PLCG2: variants seen among roughly 807,000 people sequenced by gnomAD.
The protein encoded by PLCG2 is 1-phosphatidylinositol 4,5-bisphosphate phosphodiesterase gamma-2.
PLCG2 carries 69 observed loss-of-function variants against 175.6 expected under a neutral mutation model. The observed-to-expected ratio is 0.39, with a 90% CI of 0.32 to 0.48. PLCG2 has a LOEUF of 0.48. PLCG2 is among the 20% of genes least tolerant of loss of function. PLCG2 has a pLI of 0.91. For missense variants in PLCG2, 1,798 were observed against 1,650.9 expected (o/e 1.09, Z -1.54); for synonymous variants, 827 against 624.0 (o/e 1.33, Z -4.85).
At chr16:81,823,270 C>G (rs989177104) in intron 2 of PLCG2, among the ~76,000 whole-genome samples, 1 of 152,234 alleles carries the variant, frequency 6.6e-6, no homozygotes, top group Non-Finnish European at 1.5e-5. Context: ...AGTCAGGCCT[C>G]TGGTGAGCCC....
chr16:81,870,773 A>AC, intron 6 of PLCG2, 79 bp from the exon 7 acceptor site: 1 of 735,524 alleles, frequency 1.4e-6, no homozygotes, highest in South Asian at 1.9e-5. Context: ...TCTGAAACAA[A>AC]AATTATTCTA....
chr16:81,904,616 T>G (rs1423657889), intron 14 of PLCG2, among the ~76,000 whole-genome samples: 1 of 152,200 alleles, frequency 6.6e-6, no homozygotes, highest in Non-Finnish European at 1.5e-5. Context: ...CGGCCTGCCT[T>G]TCCCTCTGTG....
chr16:81,932,112 G>A (rs1176320792), intron 25 of PLCG2, among the ~76,000 whole-genome samples: 2 of 152,140 alleles, frequency 1.3e-5, no homozygotes, highest in Non-Finnish European at 2.9e-5. Flanking sequence ...TCCGGTGGAG[G>A]AACTTCCCCT....
chr16:81,936,160 T>C lies in PLCG2; in HGVS notation c.2843-9T>C, dbSNP rs371489624. ...CAGAAGTACTGATGACCTTTTTCTC[T>C]GTGTGCAGAAAATCCTGACTTCCGA... is the stretch of plus-strand genomic sequence containing the variant. On this transcript the variant is annotated splice_polypyrimidine_tract_variant and intron_variant, in intron 26 of 32. Coordinates refer to ENST00000564138, the MANE Select transcript of PLCG2 (RefSeq NM_002661.5). 3 of 1,613,598 alleles carry C rather than the reference T, an allele frequency of 1.9e-6. No individual in the cohort carries two copies. The highest frequency in any genetic ancestry group is 2.7e-5 in the African/African-American group (2 of 74,922).
At chr16:81,837,436 A>T (rs560033924) in intron 2 of PLCG2, among the ~76,000 whole-genome samples, 2 of 152,138 alleles carry the variant, frequency 1.3e-5, no homozygotes, top group African/African-American at 4.8e-5. Flanking sequence ...ATGAACATCT[A>T]TTTCTAGCTG....
At chr16:81,916,678 C>T (rs1235744982) in intron 19 of PLCG2, among the ~76,000 whole-genome samples, 1 of 151,798 alleles carries the variant, frequency 6.6e-6, no homozygotes, top group Non-Finnish European at 1.5e-5. Flanking sequence ...TGCTCTGTTG[C>T]CCAGTCTGGA....
chr16:81,858,114 T>C lies in PLCG2; in HGVS notation c.338-149T>C, dbSNP rs1238007671. The C allele has an allele frequency of 9.2e-6, 6 of 651,606 alleles. No individual in the cohort carries two copies. The African/African-American group carries it at 9.4e-5, about 10-fold the overall frequency. 40.4% of individuals were successfully genotyped at this position (651,606 alleles called of 1,614,324 possible). On this transcript the variant is annotated intron_variant, in intron 3 of 32. Transcript: ENST00000564138. ...AAAGCAGGTCCTAGGGCCATGACGG[T>C]GTGAAAGGGGATGCTTTCTTTGCCT... is the stretch of plus-strand genomic sequence containing the variant.
intron 2 of PLCG2, among the ~76,000 whole-genome samples, chr16:81,792,280 G>C (rs1054232731): frequency 6.6e-6 from 1 of 151,966 alleles, no homozygotes; most frequent in Non-Finnish European, 1.5e-5. Context: ...TCAGGAGTTC[G>C]AGACCAGCCT....
rs1906770269 is a variant in PLCG2 at position 81,858,016 on chromosome 16, G to A, written c.338-247G>A. The A allele has an allele frequency of 1.1e-5, 5 of 472,058 alleles. No individual in the cohort carries two copies. In the East Asian group the frequency reaches 1.6e-4, roughly 15 times the overall value. 29.2% of individuals were successfully genotyped at this position (472,058 alleles called of 1,614,324 possible). ...CTCCATTCTTAGCTGATTCCATTTG[G>A]CACAGGAAATAACCCACTTGTCATC... On this transcript the variant is annotated intron_variant, in intron 3 of 32. Coordinates refer to ENST00000564138, the MANE Select transcript of PLCG2 (RefSeq NM_002661.5).
At chr16:81,820,471 A>G (rs755187573) in intron 2 of PLCG2, among the ~76,000 whole-genome samples, 6 of 152,206 alleles carry the variant, frequency 3.9e-5, no homozygotes, top group African/African-American at 7.2e-5. Context: ...CTCAAGGTTC[A>G]CCCATGTTGT....
intron 1 of PLCG2, among the ~76,000 whole-genome samples, chr16:81,752,670 C>T (rs772741575): frequency 6.6e-6 from 1 of 152,352 alleles, no homozygotes; most frequent in East Asian, 1.9e-4. Context: ...TGAGGCTTGG[C>T]CTGGGCTGCA....
Position 81,780,276 on chromosome 16 carries a change from T to A in PLCG2, c.-48+852T>A, listed in dbSNP as rs537816222. On this transcript the variant is annotated intron_variant, in intron 1 of 32. Coordinates refer to ENST00000564138, the MANE Select transcript of PLCG2 (RefSeq NM_002661.5). Reference sequence around the variant, plus strand: ...GTTGAAGAACCTTTTTGAGTCTGTTTCCCCCTCTGGATACTGGAGCCACCC... The same window carrying A: ...GTTGAAGAACCTTTTTGAGTCTGTTACCCCCTCTGGATACTGGAGCCACCC... Among the ~76,000 whole-genome samples the A allele has an allele frequency of 1.4e-4, 21 of 152,240 alleles. No homozygotes were observed. The East Asian group carries it at 1.5e-3, about 11-fold the overall frequency.
At chr16:81,788,371 C>T (rs150197503) in intron 2 of PLCG2, among the ~76,000 whole-genome samples, 1,976 of 152,290 alleles carry the variant, frequency 0.013, 17 homozygotes, top group South Asian at 0.036. Context: ...AGCTCCGCCT[C>T]CCGGATTCAT....
rs57789903 is a variant in PLCG2, at chr16:81,875,303, G to A, written c.648+4368G>A. The stretch of plus-strand genomic sequence containing the variant: ...TGTATACATTTAATTCCCCCCTAGA[G>A]GCCTGTGCAAGAGCTACTGTTGTTA... On this transcript the variant is annotated intron_variant, in intron 7 of 32. Coordinates refer to ENST00000564138, the MANE Select transcript of PLCG2 (RefSeq NM_002661.5). Among the ~76,000 whole-genome samples the A allele has an allele frequency of 6.3e-3, 952 of 152,026 alleles. 10 individuals are homozygous for A. The highest frequency in any genetic ancestry group is 0.019 in the African/African-American group (804 of 41,454).
chr16:81,854,697 G>A lies in PLCG2; in HGVS notation c.337+110G>A, dbSNP rs1906595454. ...CTGCCTGCTCACTGATGTGTATTTG[G>A]GGTCATGGTTTTGAATCCCAGCCCT... On this transcript the variant is annotated intron_variant, in intron 3 of 32. Coordinates refer to ENST00000564138, the MANE Select transcript of PLCG2 (RefSeq NM_002661.5). 3.9e-6 allele frequency: 4 copies of A among 1,022,644 alleles called. No homozygotes were observed. The South Asian group carries it at 6.0e-5, about 15-fold the overall frequency. 63.3% of individuals were successfully genotyped at this position (1,022,644 alleles called of 1,614,324 possible).
At chr16:81,852,473 G>T (rs12921938) in intron 2 of PLCG2, among the ~76,000 whole-genome samples, 2 of 151,548 alleles carry the variant, frequency 1.3e-5, no homozygotes, top group Non-Finnish European at 2.9e-5. Flanking sequence ...AGGGAAAGAA[G>T]GGACTGGTTG....
intron 2 of PLCG2, among the ~76,000 whole-genome samples, chr16:81,801,090 T>C (rs746326287): frequency 2.0e-5 from 3 of 152,198 alleles, no homozygotes; most frequent in Non-Finnish European, 4.4e-5. Context: ...TCATGACTTT[T>C]GCTCGTCTCC....
chr16:81,827,432 A>T (rs1316605193), intron 2 of PLCG2, among the ~76,000 whole-genome samples: 1 of 151,942 alleles, frequency 6.6e-6, no homozygotes, highest in Non-Finnish European at 1.5e-5. Flanking sequence ...CAAGGAGTTC[A>T]CCTGTCTTGG....
intron 1 of PLCG2, among the ~76,000 whole-genome samples, chr16:81,742,769 C>A (rs769440422): frequency 6.6e-6 from 1 of 152,122 alleles, no homozygotes; most frequent in African/African-American, 2.4e-5. Flanking sequence ...GAACAGGGGC[C>A]GGGAGCCTCA....
Sources: gnomAD v4.1 joint callset for allele counts (sites outside exome capture counted in the v4.1 genomes callset) on GRCh38, gnomAD v4.1.1 for gene constraint, MANE v1.5 for transcripts, NCBI Gene and HGNC (gene_info 2026-07-23, HGNC 2026-07-21) for gene names.